Variants in MED13L observed in about 807,000 individuals in gnomAD.
MED13L encodes the protein mediator complex subunit 13L.
A neutral mutation model predicts 220.9 loss-of-function variants in MED13L; 7 were observed. The observed-to-expected ratio is 0.03, with a 90% CI of 0.02 to 0.06. The LOEUF is 0.06. Ranked by LOEUF, MED13L falls within the 10% of genes least tolerant of loss-of-function variation. MED13L has a pLI of 1.00. For missense variants in MED13L, 1,965 were observed against 2,760.5 expected (o/e 0.71, Z 6.46); for synonymous variants, 1,011 against 1,015.2 (o/e 1.00, Z 0.08).
In MED13L at chr12:115,961,158, G is replaced by A; in HGVS notation, c.*108C>T. 7.1e-7 allele frequency: 1 copy of A among 1,399,750 alleles called. No individual in the cohort carries two copies. Among genetic ancestry groups the A allele is most frequent in the Non-Finnish European group, 1.0e-6 (1 of 991,632 alleles). The allele number at this position is 1,399,750 out of a possible 1,614,324, so 86.7% of individuals were successfully genotyped here. ...AGGAATCACAGTGCAGGACTGTGGAGAGTGGTCTGAAGAAAAGGATGTGGG... is the reference window on the plus strand; with the variant it reads ...AGGAATCACAGTGCAGGACTGTGGAAAGTGGTCTGAAGAAAAGGATGTGGG... On this transcript the variant is annotated 3_prime_UTR_variant, in exon 31 of 31. Transcript: ENST00000281928.
intron 4 of MED13L, among the ~76,000 whole-genome samples, chr12:116,081,074 T>A (rs149991756): frequency 7.2e-5 from 11 of 152,328 alleles, no homozygotes; most frequent in Admixed American, 2.0e-4. Flanking sequence ...ATTTGTATAT[T>A]TGTGGATAGT....
intron 2 of MED13L, among the ~76,000 whole-genome samples, chr12:116,220,979 A>T (rs1026022888): frequency 6.6e-6 from 1 of 152,206 alleles, no homozygotes; most frequent in Non-Finnish European, 1.5e-5. Flanking sequence ...AGGTTAAGTT[A>T]ACAATCTCGA....
At chr12:116,266,699 G>C (rs1565957921) in intron 1 of MED13L, among the ~76,000 whole-genome samples, 1 of 152,148 alleles carries the variant, frequency 6.6e-6, no homozygotes, top group Non-Finnish European at 1.5e-5. Flanking sequence ...CAAGAGATGG[G>C]AGTTTTTTTG....
intron 4 of MED13L, among the ~76,000 whole-genome samples, chr12:116,075,346 G>A (rs1870696663): frequency 1.3e-5 from 2 of 152,140 alleles, no homozygotes; most frequent in African/African-American, 4.8e-5. Flanking sequence ...CAAGGCTACT[G>A]TGGGGGATAA....
rs533968324 is a variant in MED13L at position 115,974,874 on chromosome 12, C to T, written c.5731+297G>A. ...TGTCTTAAAACTGACTAGTTCTTCT[C>T]CCTGATTCAATATATAAATAAATGT... is the stretch of plus-strand genomic sequence containing the variant. On this transcript the variant is annotated intron_variant, in intron 25 of 30. Coordinates refer to ENST00000281928, the MANE Select transcript of MED13L (RefSeq NM_015335.5). Among the ~76,000 whole-genome samples the T allele has an allele frequency of 2.2e-4, 33 of 152,274 alleles. No individual in the cohort carries two copies. In the South Asian group the frequency reaches 6.8e-3, roughly 32 times the overall value.
intron 1 of MED13L, among the ~76,000 whole-genome samples, chr12:116,257,607 G>C (rs1872166658): frequency 6.6e-6 from 1 of 152,084 alleles, no homozygotes; most frequent in African/African-American, 2.4e-5. Context: ...GTAAAATGCA[G>C]GCCTCCAAGC....
At chr12:116,277,035 C>A (rs781053726) in intron 1 of MED13L, 25 bp downstream of exon 1, 4 of 1,560,330 alleles carry the variant, frequency 2.6e-6, no homozygotes, top group South Asian at 1.2e-5. Flanking sequence ...CGGCACAGCC[C>A]CCTCCCCGCA....
chr12:116,257,344 T>C (rs1872147697), intron 1 of MED13L, among the ~76,000 whole-genome samples: 1 of 152,186 alleles, frequency 6.6e-6, no homozygotes, highest in Admixed American at 6.5e-5. Context: ...ACATGCCCAC[T>C]TAAAGAACTA....
chr12:116,097,155 G>GC (rs1565875711), intron 3 of MED13L, among the ~76,000 whole-genome samples: 1 of 146,850 alleles, frequency 6.8e-6, no homozygotes, highest in Non-Finnish European at 1.5e-5. Flanking sequence ...CATCTTTCAA[G>GC]TTTTTTTTTT....
At chr12:116,121,226 G>A (rs890632267) in intron 2 of MED13L, among the ~76,000 whole-genome samples, 5 of 152,036 alleles carry the variant, frequency 3.3e-5, no homozygotes, top group Admixed American at 6.6e-5. Flanking sequence ...GTTTATAAAG[G>A]AAAAGTTTTA....
intron 2 of MED13L, among the ~76,000 whole-genome samples, chr12:116,141,794 A>G (rs1439143823): frequency 6.6e-6 from 1 of 152,028 alleles, no homozygotes. Flanking sequence ...TAAAATGGTT[A>G]AGTTAGCTCA....
intron 16 of MED13L, among the ~76,000 whole-genome samples, chr12:115,995,840 T>C (rs1878364709): frequency 6.6e-6 from 1 of 152,240 alleles, no homozygotes; most frequent in African/African-American, 2.4e-5. Context: ...TATCAAATAC[T>C]GTACTGAAAG....
chr12:116,126,720 T>A (rs1875619618), intron 2 of MED13L, among the ~76,000 whole-genome samples: 1 of 152,222 alleles, frequency 6.6e-6, no homozygotes, highest in South Asian at 2.1e-4. Flanking sequence ...ACTGGCTCTG[T>A]TGCTTCTTTT....
chr12:116,214,948 C>T (rs1257594418), intron 2 of MED13L, among the ~76,000 whole-genome samples: 2 of 152,202 alleles, frequency 1.3e-5, no homozygotes, highest in East Asian at 3.8e-4. Context: ...TCTGGTCTCA[C>T]ATCACTACTA....
rs994175421 is a variant in MED13L, at chr12:116,157,626, T to C, written c.311-46114A>G. Among the ~76,000 whole-genome samples, 5 of 152,374 alleles carry C rather than the reference T, an allele frequency of 3.3e-5. No individual in the cohort carries two copies. In the South Asian group the frequency reaches 1.0e-3, roughly 32 times the overall value. On this transcript the variant is annotated intron_variant, in intron 2 of 30. Coordinates refer to ENST00000281928, the MANE Select transcript of MED13L (RefSeq NM_015335.5). ...TATGCATCCTACTACCTCTCCGTTT[T>C]ACAGAAAGCACACAAATATCTGTTG... is the stretch of plus-strand genomic sequence containing the variant.
Position 115,982,444 on chromosome 12 carries a change from G to A in MED13L, c.5115C>T (p.Arg1705=), listed in dbSNP as rs370324246. ...SGNFWLLSLM[R]CYTEMLDNLP... is the part of the protein sequence containing the mutation. ...AATTATCCAGCATTTCTGTGTAGCAGCGCATCAAGCTCAACAGCCAAAAGT... is the reference window on the plus strand; with the variant it reads ...AATTATCCAGCATTTCTGTGTAGCAACGCATCAAGCTCAACAGCCAAAAGT... The change falls in exon 22 of 31, where the codon CGC becomes CGT. Residue 1705 remains arginine (R), a synonymous_variant. Transcript: ENST00000281928. The A allele has an allele frequency of 5.6e-5, 90 of 1,614,030 alleles. No homozygotes were observed. Among genetic ancestry groups the A allele is most frequent in the Non-Finnish European group, 7.5e-5 (88 of 1,180,026 alleles).
At chr12:116,114,157 T>C (rs910526345) in intron 2 of MED13L, among the ~76,000 whole-genome samples, 14 of 152,200 alleles carry the variant, frequency 9.2e-5, no homozygotes, top group African/African-American at 3.4e-4. Context: ...TTACCTGTCT[T>C]AATATCTCAT....
At chr12:115,984,608 GT>G (rs1877558908) in intron 19 of MED13L, among the ~76,000 whole-genome samples, 1 of 151,892 alleles carries the variant, frequency 6.6e-6, no homozygotes, top group Non-Finnish European at 1.5e-5. Context: ...AAAAAAAAAT[GT>G]TTCTTCACTC....
intron 4 of MED13L, among the ~76,000 whole-genome samples, chr12:116,078,428 T>C (rs1870987226): frequency 1.3e-5 from 2 of 152,070 alleles, no homozygotes; most frequent in Admixed American, 1.3e-4. Flanking sequence ...ACTGAAAAAA[T>C]AGTGGTTATG....
Sources: allele counts gnomAD v4.1 joint callset (sites outside exome capture counted in the v4.1 genomes callset), GRCh38; gene constraint gnomAD v4.1.1; transcripts MANE v1.5; gene names NCBI Gene and HGNC (gene_info 2026-07-23, HGNC 2026-07-21).